Variants in SCHIP1 observed in about 807,000 individuals in gnomAD.
The protein encoded by SCHIP1 is schwannomin-interacting protein 1.
SCHIP1 carries 8 observed loss-of-function variants against 29.7 expected under a neutral mutation model. The ratio of observed to expected loss-of-function variants is 0.27; its 90% CI spans 0.16 to 0.49. SCHIP1 has a LOEUF of 0.49. Ranked by LOEUF, SCHIP1 falls within the 20% of genes least tolerant of loss-of-function variation. SCHIP1 has a pLI of 0.99. For missense variants in SCHIP1, 193 were observed against 294.6 expected, an observed-to-expected ratio of 0.66 and a Z score of 2.52; for synonymous variants, 76 against 94.9, an observed-to-expected ratio of 0.80 and a Z score of 1.16.
the SCHIP1 span, chr3:159,273,690 A>G: frequency 6.8e-7 from 1 of 1,465,782 alleles, no homozygotes; most frequent in South Asian, 1.4e-5. Flanking sequence ...TCACTTATTT[A>G]GTGTGTGTTA....
At chr3:159,846,461 A>G (rs1711852011) in intron 1 of SCHIP1, among the ~76,000 whole-genome samples, 1 of 152,180 alleles carries the variant, frequency 6.6e-6, no homozygotes. Flanking sequence ...AATATATTCT[A>G]TCCCTATCGA....
At chr3:159,711,061 T>C in the SCHIP1 span, among the ~76,000 whole-genome samples, 1 of 152,182 alleles carries the variant, frequency 6.6e-6, no homozygotes, top group Non-Finnish European at 1.5e-5. Context: ...ACCCTTAGGA[T>C]TAATAACACT....
chr3:159,413,983 T>C, the SCHIP1 span, among the ~76,000 whole-genome samples: 1 of 152,214 alleles, frequency 6.6e-6, no homozygotes. Context: ...TGGCCTCCTC[T>C]GAAAGCTACA....
At chr3:159,723,029 T>C in the SCHIP1 span, among the ~76,000 whole-genome samples, 4 of 152,208 alleles carry the variant, frequency 2.6e-5, no homozygotes, top group Non-Finnish European at 5.9e-5. Context: ...GCAGAGCCCA[T>C]GTGTGCTCAG....
the SCHIP1 span, among the ~76,000 whole-genome samples, chr3:159,440,441 G>A: frequency 0.011 from 1,650 of 152,180 alleles, 40 homozygotes; most frequent in African/African-American, 0.038. Flanking sequence ...TTTTCTGCCT[G>A]GTGGAAGTGT....
chr3:159,596,975 G>A, the SCHIP1 span, among the ~76,000 whole-genome samples: 2 of 143,706 alleles, frequency 1.4e-5, no homozygotes, highest in Non-Finnish European at 3.0e-5. Context: ...CAGAACAAAA[G>A]CATCTTTAAA....
At chr3:159,765,075 C>T in the SCHIP1 span, 5 of 1,568,442 alleles carry the variant, frequency 3.2e-6, no homozygotes, top group Middle Eastern at 2.0e-4. Flanking sequence ...AGCATCTGGC[C>T]GGGCTGCAGT....
At chr3:159,345,006 T>C in the SCHIP1 span, among the ~76,000 whole-genome samples, 5 of 152,124 alleles carry the variant, frequency 3.3e-5, no homozygotes, top group Non-Finnish European at 5.9e-5. Flanking sequence ...CCCAGCACTT[T>C]GGGAGGCTGA....
At chr3:159,666,932 G>C in the SCHIP1 span, among the ~76,000 whole-genome samples, 2 of 152,230 alleles carry the variant, frequency 1.3e-5, no homozygotes, top group African/African-American at 4.8e-5. Context: ...TCAAATCCCA[G>C]CTGTCCTTGG....
the SCHIP1 span, among the ~76,000 whole-genome samples, chr3:159,746,851 C>A: frequency 6.6e-6 from 1 of 152,296 alleles, no homozygotes; most frequent in East Asian, 1.9e-4. Flanking sequence ...GTCTTTCAGC[C>A]TTTGGGGAAC....
At chr3:159,330,707 A>G in the SCHIP1 span, among the ~76,000 whole-genome samples, 1 of 152,240 alleles carries the variant, frequency 6.6e-6, no homozygotes, top group East Asian at 1.9e-4. Flanking sequence ...CAGAAGAACT[A>G]TAAATTAAAT....
chr3:159,829,014 T>C, the SCHIP1 span, among the ~76,000 whole-genome samples: 1 of 152,220 alleles, frequency 6.6e-6, no homozygotes, highest in Non-Finnish European at 1.5e-5. Flanking sequence ...CTCCAAATGC[T>C]GGAAAACAGA....
At chr3:159,436,388 G>T in the SCHIP1 span, among the ~76,000 whole-genome samples, 11 of 152,086 alleles carry the variant, frequency 7.2e-5, no homozygotes, top group Non-Finnish European at 1.6e-4. Flanking sequence ...ACCTGCTTCA[G>T]CAGGTTGCTT....
the SCHIP1 span, chr3:159,274,958 G>T: frequency 1.0e-6 from 1 of 981,420 alleles, no homozygotes; most frequent in Non-Finnish European, 1.2e-6. Flanking sequence ...AAATATAATG[G>T]ATTCTTTCTG....
chr3:159,449,691 C>G, the SCHIP1 span, among the ~76,000 whole-genome samples: 6 of 152,138 alleles, frequency 3.9e-5, no homozygotes, highest in African/African-American at 1.4e-4. Flanking sequence ...TCTATGGTCA[C>G]TATTCAAAGT....
At chr3:159,845,132 A>G (rs1372939382) in intron 1 of SCHIP1, among the ~76,000 whole-genome samples, 2 of 152,152 alleles carry the variant, frequency 1.3e-5, no homozygotes, top group Non-Finnish European at 2.9e-5. Context: ...TCCTGCCTTC[A>G]CAGTGCCATC....
At chr3:159,409,915 C>G in the SCHIP1 span, among the ~76,000 whole-genome samples, 1,005 of 152,192 alleles carry the variant, frequency 6.6e-3, 10 homozygotes, top group South Asian at 0.033. Flanking sequence ...ATGGCACTGG[C>G]ATAAAACAGA....
chr3:159,621,857 G>A, the SCHIP1 span, among the ~76,000 whole-genome samples: 1 of 152,032 alleles, frequency 6.6e-6, no homozygotes, highest in African/African-American at 2.4e-5. Flanking sequence ...GTAGAGACGG[G>A]GTTTCACCAG....
At chr3:159,768,176 A>G in the SCHIP1 span, 1 of 152,144 alleles carries the variant, frequency 6.6e-6, no homozygotes, top group East Asian at 1.9e-4. Context: ...AAATAATTTG[A>G]AATAAAAGGA....
Sources: gnomAD v4.1 joint callset for allele counts (sites outside exome capture counted in the v4.1 genomes callset) on GRCh38, gnomAD v4.1.1 for gene constraint, MANE v1.5 for transcripts, NCBI Gene and HGNC (gene_info 2026-07-23, HGNC 2026-07-21) for gene names.